RTTN: variants seen among roughly 807,000 people sequenced by gnomAD.
RTTN encodes the protein rotatin.
RTTN carries 182 observed loss-of-function variants against 269.2 expected under a neutral mutation model. The ratio of observed to expected loss-of-function variants is 0.68; its 90% CI spans 0.60 to 0.76. RTTN has a LOEUF of 0.76. Ranked by LOEUF, RTTN falls within the 30% of genes least tolerant of loss-of-function variation. RTTN has a pLI of 0.00. For synonymous variants in RTTN, 1,006 were observed against 963.5 expected (o/e 1.04, Z -0.82); for missense variants, 2,545 against 2,608.6 (o/e 0.98, Z 0.53).
chr18:70,151,597 T>G (rs2060540080), intron 14 of RTTN, among the ~76,000 whole-genome samples: 1 of 152,154 alleles, frequency 6.6e-6, no homozygotes, highest in Admixed American at 6.5e-5. Flanking sequence ...TTATTTTTCT[T>G]TCAACTGTTA....
intron 33 of RTTN, chr18:70,074,909 T>C (rs1020042046): frequency 1.3e-5 from 2 of 151,850 alleles, no homozygotes; most frequent in African/African-American, 4.8e-5. Flanking sequence ...TTAGAAAATA[T>C]AGTGGGAAAA....
intron 6 of RTTN, among the ~76,000 whole-genome samples, chr18:70,197,304 A>C (rs1307690354): frequency 1.3e-5 from 2 of 152,262 alleles, no homozygotes; most frequent in Non-Finnish European, 2.9e-5. Context: ...GAGATACTCA[A>C]GAAGCAATGC....
intron 10 of RTTN, among the ~76,000 whole-genome samples, chr18:70,187,017 A>T (rs2061562805): frequency 6.6e-6 from 1 of 152,208 alleles, no homozygotes; most frequent in Non-Finnish European, 1.5e-5. Flanking sequence ...GCTAAATAAA[A>T]GTTTTTTAGA....
At chr18:70,019,984 A>C (rs1264437174) in intron 45 of RTTN, 1 of 152,236 alleles carries the variant, frequency 6.6e-6, no homozygotes, top group Non-Finnish European at 1.5e-5. Flanking sequence ...TAATCTGATT[A>C]CATTCAAATT....
At chr18:70,085,443 T>G (rs889829790) in intron 32 of RTTN, among the ~76,000 whole-genome samples, 1 of 152,176 alleles carries the variant, frequency 6.6e-6, no homozygotes, top group African/African-American at 2.4e-5. Context: ...GTGCGGAAAC[T>G]TGCCCTTGCT....
At chr18:70,167,248 A>G (rs1403991718) in intron 12 of RTTN, among the ~76,000 whole-genome samples, 1 of 152,216 alleles carries the variant, frequency 6.6e-6, no homozygotes, top group Non-Finnish European at 1.5e-5. Flanking sequence ...GAGACTTTCT[A>G]TTATTTAACT....
chr18:70,121,654 T>C lies in RTTN; in HGVS notation c.3430A>G (p.Ile1144Val), dbSNP rs771154804. ...PACTEDEKLL[I>V]DIIHFLNKLI... ...TTATTTAAAAAATGTATGATATCTA[T>C]TAGCAGTTTCTCATCTTCAGTGCAA... The change falls in exon 26 of 49, where the codon ATA becomes GTA. Residue 1144 changes from isoleucine (I) to valine (V), a missense_variant. Ile to Val is a conservative substitution (Grantham distance 29). Coordinates refer to ENST00000640769, the MANE Select transcript of RTTN (RefSeq NM_173630.4). The C allele has an allele frequency of 4.5e-6, 7 of 1,572,274 alleles. No individual in the cohort carries two copies. The African/African-American group carries it at 5.6e-5, about 12-fold the overall frequency.
At chr18:70,102,140 T>C (rs2059185630) in intron 28 of RTTN, among the ~76,000 whole-genome samples, 2 of 152,298 alleles carry the variant, frequency 1.3e-5, no homozygotes, top group South Asian at 4.1e-4. Flanking sequence ...CTTGTTAACT[T>C]TCTGTCTCAC....
chr18:70,156,877 C>T (rs2060692624), intron 14 of RTTN, among the ~76,000 whole-genome samples: 1 of 152,296 alleles, frequency 6.6e-6, no homozygotes, highest in African/African-American at 2.4e-5. Context: ...GCAGGGCTAT[C>T]TTTCCCACAA....
At chr18:70,162,886 GAA>G (rs5825997) in intron 14 of RTTN, among the ~76,000 whole-genome samples, 574 of 50,208 alleles carry the variant, frequency 0.011, 6 homozygotes, top group African/African-American at 0.042. Flanking sequence ...AATAAAAGTT[GAA>G]AAAAAAAAAA....
chr18:70,195,337 G>A (rs966121760), intron 7 of RTTN, among the ~76,000 whole-genome samples: 1 of 152,236 alleles, frequency 6.6e-6, no homozygotes, highest in Non-Finnish European at 1.5e-5. Flanking sequence ...ATGAAGCTAT[G>A]TTTACCCAAC....
At chr18:70,101,264 G>C (rs1443784481) in intron 28 of RTTN, among the ~76,000 whole-genome samples, 1 of 152,152 alleles carries the variant, frequency 6.6e-6, no homozygotes, top group Non-Finnish European at 1.5e-5. Context: ...GCCTGTTATT[G>C]ATCTATTCAG....
In RTTN at chr18:70,053,406, T is replaced by C. The variant is rs559656081; in HGVS notation, c.5185+725A>G. 7 of 152,308 alleles carry C rather than the reference T, an allele frequency of 4.6e-5. No homozygotes were observed. In the East Asian group the frequency reaches 9.6e-4, roughly 21 times the overall value. 9.4% of individuals were successfully genotyped at this position (152,308 alleles called of 1,614,324 possible). A position where few individuals can be genotyped will look rare whatever the true frequency, so the allele number is the denominator to read the frequency against. ...TTAGTTAGGGTATCACTGCCACTTGTTGAATTTCTAAGGAATTACTATTCC... is the reference window on the plus strand; with the variant it reads ...TTAGTTAGGGTATCACTGCCACTTGCTGAATTTCTAAGGAATTACTATTCC... On this transcript the variant is annotated intron_variant, in intron 38 of 48. Coordinates refer to ENST00000640769, the MANE Select transcript of RTTN (RefSeq NM_173630.4).
At chr18:70,047,843 A>G (rs2057535338) in intron 40 of RTTN, 128 bp downstream of exon 40, 2 of 732,360 alleles carry the variant, frequency 2.7e-6, no homozygotes, top group Non-Finnish European at 4.4e-6. Flanking sequence ...TGTATCATTT[A>G]AACAGTCATA....
At chr18:70,072,572 G>C (rs913924225) in intron 34 of RTTN, among the ~76,000 whole-genome samples, 7 of 151,982 alleles carry the variant, frequency 4.6e-5, no homozygotes, top group African/African-American at 4.8e-5. Flanking sequence ...AGGTTTTCTT[G>C]TATAGGATAA....
At chr18:70,033,751 A>T (rs2144652327) in intron 40 of RTTN, among the ~76,000 whole-genome samples, 1 of 152,286 alleles carries the variant, frequency 6.6e-6, no homozygotes, top group African/African-American at 2.4e-5. Context: ...AGACATGAAA[A>T]ACCATTCAAA....
At chr18:70,150,578 T>C in intron 15 of RTTN, 30 bp downstream of exon 15, 2 of 1,603,004 alleles carry the variant, frequency 1.2e-6, no homozygotes, top group East Asian at 4.5e-5. Context: ...TAAGTTACTG[T>C]AATATTTTCA....
At chr18:70,050,291 G>A (rs1480100615) in intron 39 of RTTN, among the ~76,000 whole-genome samples, 1 of 152,114 alleles carries the variant, frequency 6.6e-6, no homozygotes, top group Non-Finnish European at 1.5e-5. Flanking sequence ...CTCAAAAGAT[G>A]ACATTTATGC....
At chr18:70,185,788 CA>C (rs1014588293) in intron 10 of RTTN, among the ~76,000 whole-genome samples, 4 of 150,990 alleles carry the variant, frequency 2.6e-5, no homozygotes, top group African/African-American at 4.9e-5. Context: ...CAAAACAAAA[CA>C]AAAAAAACTA....
Sources: allele counts gnomAD v4.1 joint callset (sites outside exome capture counted in the v4.1 genomes callset), GRCh38; gene constraint gnomAD v4.1.1; transcripts MANE v1.5; gene names NCBI Gene and HGNC (gene_info 2026-07-23, HGNC 2026-07-21).